Variants in SPATA1 observed in about 807,000 individuals in gnomAD.
The protein encoded by SPATA1 is spermatogenesis-associated protein 1.
SPATA1 carries 57 observed loss-of-function variants against 59.6 expected under a neutral mutation model. That is an observed-to-expected ratio of 0.96 (90% CI 0.77 to 1.19). The LOEUF (loss-of-function observed/expected upper bound fraction) is 1.19. Among genes scored for constraint, SPATA1 ranks in the 50% most tolerant of loss-of-function variants. The pLI is 0.00. For synonymous variants in SPATA1, 147 were observed against 163.9 expected, an observed-to-expected ratio of 0.90 and a Z score of 0.79; for missense variants, 448 against 480.7, an observed-to-expected ratio of 0.93 and a Z score of 0.64.
At chr1:84,563,854 A>G (rs749774713) in intron 4 of SPATA1, 2 of 1,593,976 alleles carry the variant, frequency 1.3e-6, no homozygotes, top group Admixed American at 3.5e-5. Context: ...GGAGAGAAAA[A>G]GCATATTTGT....
chr1:84,510,236 G>T (rs1682477476), intron 1 of SPATA1, among the ~76,000 whole-genome samples: 1 of 152,054 alleles, frequency 6.6e-6, no homozygotes, highest in East Asian at 1.9e-4. Context: ...CACAGAATGG[G>T]AAGAAATATT....
intron 11 of SPATA1, 95 bp downstream of exon 11, chr1:84,549,059 C>A: frequency 8.1e-7 from 1 of 1,230,834 alleles, no homozygotes; most frequent in Non-Finnish European, 1.1e-6. Context: ...ATTAGGCTAA[C>A]TTTGACTTAA....
At chr1:84,524,754 C>T (rs1337541668) in intron 4 of SPATA1, among the ~76,000 whole-genome samples, 2 of 152,132 alleles carry the variant, frequency 1.3e-5, no homozygotes, top group Admixed American at 6.6e-5. Context: ...AACAGGCCTT[C>T]CCTGACCTTT....
At chr1:84,553,014 GA>G (rs1269939870) in intron 12 of SPATA1, 10 of 1,457,058 alleles carry the variant, frequency 6.9e-6, no homozygotes, top group Non-Finnish European at 9.2e-6. Context: ...GTTCATTTTT[GA>G]AAAGTAATTC....
chr1:84,531,661 C>T (rs1683475573), intron 6 of SPATA1, among the ~76,000 whole-genome samples: 1 of 149,558 alleles, frequency 6.7e-6, no homozygotes, highest in African/African-American at 2.5e-5. Context: ...ACAGCCTCAA[C>T]CTTCCAGGAT....
At chr1:84,510,752 C>G (rs1337057688) in intron 1 of SPATA1, among the ~76,000 whole-genome samples, 1 of 152,164 alleles carries the variant, frequency 6.6e-6, no homozygotes, top group African/African-American at 2.4e-5. Context: ...GATTTAAAAG[C>G]AACCTAAGTG....
intron 1 of SPATA1, among the ~76,000 whole-genome samples, chr1:84,509,017 A>G (rs1682412405): frequency 6.6e-6 from 1 of 152,176 alleles, no homozygotes; most frequent in Non-Finnish European, 1.5e-5. Flanking sequence ...ATTCAGTGCA[A>G]TCTCTATCAA....
At chr1:84,530,406 G>A (rs1400700017) in intron 6 of SPATA1, among the ~76,000 whole-genome samples, 3 of 152,222 alleles carry the variant, frequency 2.0e-5, no homozygotes, top group South Asian at 4.1e-4. Flanking sequence ...GGAAAGGGAG[G>A]GAGAGAAGTA....
chr1:84,530,340 G>C (rs1436670836), intron 6 of SPATA1, among the ~76,000 whole-genome samples: 30 of 152,160 alleles, frequency 2.0e-4, no homozygotes. Flanking sequence ...GGTTAGTTCA[G>C]TAATTTTTAT....
intron 1 of SPATA1, among the ~76,000 whole-genome samples, chr1:84,507,840 G>A (rs973806789): frequency 9.2e-5 from 13 of 140,750 alleles, no homozygotes; most frequent in African/African-American, 2.7e-4. Context: ...AGTGTTTTAG[G>A]CCGAAACAGT....
chr1:84,558,861 A>C (rs1684528704), downstream of SPATA1, among the ~76,000 whole-genome samples: 1 of 152,078 alleles, frequency 6.6e-6, no homozygotes, highest in Non-Finnish European at 1.5e-5. Context: ...TGATTGTGCC[A>C]CTGCACTCCA....
At chr1:84,545,715 C>T (rs769497920) in exon 10 of SPATA1, 31 of 1,534,394 alleles carry the variant, frequency 2.0e-5, no homozygotes, top group East Asian at 5.0e-5. Context: ...CTAGTAAAAA[C>T]GGTTGAAAAG....
chr1:84,518,307 A>G (rs534108557), intron 2 of SPATA1, among the ~76,000 whole-genome samples: 2 of 152,208 alleles, frequency 1.3e-5, no homozygotes, highest in South Asian at 4.1e-4. Flanking sequence ...TTAAATATGG[A>G]CTGGATATTA....
chr1:84,559,670 C>T (rs949017396), intron 4 of SPATA1, among the ~76,000 whole-genome samples: 2 of 152,006 alleles, frequency 1.3e-5, no homozygotes, highest in Non-Finnish European at 2.9e-5. Flanking sequence ...AATAACCTTA[C>T]AATGGGAATT....
intron 1 of SPATA1, among the ~76,000 whole-genome samples, chr1:84,515,694 T>C (rs1024265918): frequency 6.6e-6 from 1 of 152,154 alleles, no homozygotes; most frequent in African/African-American, 2.4e-5. Context: ...GGAAAAACAC[T>C]GGAAATAATA....
chr1:84,544,209 A>T, exon 9 of SPATA1: 1 of 1,594,988 alleles, frequency 6.3e-7, no homozygotes, highest in Non-Finnish European at 8.6e-7. Context: ...CAGACAGCTG[A>T]AAAAGAGTAC....
chr1:84,550,679 AAAAAAAAATGCAGGAAGAAAAACT>A, intron 12 of SPATA1, 149 bp downstream of exon 12: 2 of 1,193,064 alleles, frequency 1.7e-6, no homozygotes, highest in Non-Finnish European at 2.1e-6. Flanking sequence ...GCATAGGTGA[AAAAAAAAATGCAGGAAGAAAAACT>A]AAACCTGTGA....
intron 11 of SPATA1, 81 bp downstream of exon 11, chr1:84,549,045 A>G: frequency 2.3e-6 from 3 of 1,307,476 alleles, no homozygotes; most frequent in Non-Finnish European, 3.0e-6. Flanking sequence ...GTATCACAAG[A>G]TGCATTAGGC....
exon 12 of SPATA1, chr1:84,550,494 A>G (rs1400777): frequency 0.38 from 591,723 of 1,555,480 alleles, 119,051 homozygotes; most frequent in African/African-American, 0.7. Context: ...AGAGAAAACT[A>G]GATACTGACA....
Sources: allele counts gnomAD v4.1 joint callset (sites outside exome capture counted in the v4.1 genomes callset), GRCh38; gene constraint gnomAD v4.1.1; transcripts MANE v1.5; gene names NCBI Gene and HGNC (gene_info 2026-07-23, HGNC 2026-07-21).